CMIP: variants seen among roughly 807,000 people sequenced by gnomAD.
CMIP encodes the protein C-Maf-inducing protein.
Under a neutral mutation model 97.3 loss-of-function variants are expected in CMIP, and 13 were observed. The observed-to-expected ratio is 0.13, with a 90% CI of 0.09 to 0.21. CMIP has a LOEUF of 0.21. CMIP is among the 10% of genes least tolerant of loss of function. The pLI is 1.00. For missense variants in CMIP, 847 were observed against 1,024.9 expected, an observed-to-expected ratio of 0.83 and a Z score of 2.37; for synonymous variants, 538 against 436.3, an observed-to-expected ratio of 1.23 and a Z score of -2.91.
At chr16:81,665,176 A>G (rs1268594071) in intron 7 of CMIP, 1 of 152,082 alleles carries the variant, frequency 6.6e-6, no homozygotes, top group African/African-American at 2.4e-5. Context: ...GCAGGATTTA[A>G]TTGCACACTT....
At chr16:81,635,756 G>C (rs1340547821) in intron 3 of CMIP, among the ~76,000 whole-genome samples, 3 of 152,164 alleles carry the variant, frequency 2.0e-5, no homozygotes, top group African/African-American at 7.2e-5. Flanking sequence ...GGAGTTTTCA[G>C]GGTGGCGGGG....
intron 1 of CMIP, among the ~76,000 whole-genome samples, chr16:81,565,702 G>C (rs2090968035): frequency 1.3e-5 from 2 of 152,106 alleles, no homozygotes; most frequent in Non-Finnish European, 2.9e-5. Flanking sequence ...GGCAGGGAGT[G>C]ACACAAAGAC....
At chr16:81,656,672 C>G (rs2092486029) in intron 4 of CMIP, among the ~76,000 whole-genome samples, 1 of 152,226 alleles carries the variant, frequency 6.6e-6, no homozygotes, top group Admixed American at 6.5e-5. Context: ...CAGTCTCGCT[C>G]TGTCGCCCAG....
chr16:81,680,207 G>C (rs977319714), intron 10 of CMIP, among the ~76,000 whole-genome samples: 2 of 152,208 alleles, frequency 1.3e-5, no homozygotes, highest in African/African-American at 4.8e-5. Flanking sequence ...GGGTGGGTGG[G>C]GTTTCCCTGA....
Position 81,616,578 on chromosome 16 carries a change from G to A in CMIP, c.427-4298G>A, listed in dbSNP as rs1597151518. 6.6e-6 allele frequency among the ~76,000 whole-genome samples: 1 copy of A among 152,374 alleles called. No homozygotes were observed. The highest frequency in any genetic ancestry group is 1.5e-5 in the Non-Finnish European group (1 of 68,042). On this transcript the variant is annotated intron_variant, in intron 2 of 20. Transcript: ENST00000537098. This position sits in a 1 kb window ranked among gnomAD's most constrained non-coding sequence, Gnocchi z 4.7. The stretch of plus-strand genomic sequence containing the variant: ...TGTCATACCTGTTTAGCTGGGATCT[G>A]CAAACTAAACCTGCCTTCTTGAACC...
At chr16:81,668,521 G>T (rs866428726) in intron 7 of CMIP, among the ~76,000 whole-genome samples, 1 of 152,150 alleles carries the variant, frequency 6.6e-6, no homozygotes, top group Non-Finnish European at 1.5e-5. Context: ...GGCCGAGCAC[G>T]GCAGCCACCA....
chr16:81,460,682 G>C (rs1256876452), intron 1 of CMIP, among the ~76,000 whole-genome samples: 1 of 152,172 alleles, frequency 6.6e-6, no homozygotes, highest in African/African-American at 2.4e-5. Flanking sequence ...TGATGCACCA[G>C]GAGCTTGAGG....
chr16:81,621,244 G>T lies in CMIP; in HGVS notation c.477+318G>T, dbSNP rs2091988847. 1 of 222,246 alleles carries T rather than the reference G, an allele frequency of 4.5e-6. No individual in the cohort carries two copies. Among genetic ancestry groups the T allele is most frequent in the Non-Finnish European group, 9.0e-6 (1 of 111,066 alleles). 13.8% of individuals were successfully genotyped at this position (222,246 alleles called of 1,614,324 possible). A position where few individuals can be genotyped will look rare whatever the true frequency, so the allele number is the denominator to read the frequency against. ...TGAGGGGAGTCCAGCCGGGGAGGCT[G>T]GACTTCAGGGGCTCAAGATGCTTAG... On this transcript the variant is annotated intron_variant, in intron 3 of 20. Coordinates refer to ENST00000537098, the MANE Select transcript of CMIP (RefSeq NM_198390.3). This position sits in a 1 kb window ranked among gnomAD's most constrained non-coding sequence, Gnocchi z 4.1.
intron 1 of CMIP, among the ~76,000 whole-genome samples, chr16:81,463,515 CGTGCTGT>C (rs1240092980): frequency 6.6e-6 from 1 of 152,196 alleles, no homozygotes; most frequent in Non-Finnish European, 1.5e-5. Flanking sequence ...TTTTTATGAG[CGTGCTGT>C]GCGCATGGAG....
intron 1 of CMIP, chr16:81,463,981 T>C (rs947003176): frequency 2.6e-5 from 4 of 152,222 alleles, no homozygotes; most frequent in Non-Finnish European, 5.9e-5. Flanking sequence ...TCAGCCTCCT[T>C]GCCAAGCTTG....
intron 1 of CMIP, among the ~76,000 whole-genome samples, chr16:81,483,599 T>C (rs2926001): frequency 0.59 from 85,605 of 145,200 alleles, 25,178 homozygotes; most frequent in East Asian, 0.77. Flanking sequence ...CTCTTCCTCT[T>C]CCTCTCCCTC....
Position 81,710,786 on chromosome 16 carries a change from C to T in CMIP, c.*987C>T, listed in dbSNP as rs1158960260. Reference sequence around the variant, plus strand: ...GCACCTTTTAGACTTGAATGGGAGGCTGCTAACCCGCCCTCTCCAGTCCAC... The same window carrying T: ...GCACCTTTTAGACTTGAATGGGAGGTTGCTAACCCGCCCTCTCCAGTCCAC... On this transcript the variant is annotated 3_prime_UTR_variant, in exon 21 of 21. Coordinates refer to ENST00000537098, the MANE Select transcript of CMIP (RefSeq NM_198390.3). 2.6e-5 allele frequency: 4 copies of T among 152,298 alleles called. No homozygotes were observed. In the East Asian group the frequency reaches 7.7e-4, roughly 29 times the overall value. The allele number at this position is 152,298 out of a possible 1,614,324, so 9.4% of individuals were successfully genotyped here. A position where few individuals can be genotyped will look rare whatever the true frequency, so the allele number is the denominator to read the frequency against.
rs138702162 is a variant in CMIP at position 81,539,322 on chromosome 16, G to C, written c.301-68245G>C. On this transcript the variant is annotated intron_variant, in intron 1 of 20. Coordinates refer to ENST00000537098, the MANE Select transcript of CMIP (RefSeq NM_198390.3). ...AGAAGGTTCTAACCAGGCGTCCTTG[G>C]GGGTGGAGGATGATGGGCCAGGGCA... Among the ~76,000 whole-genome samples, 518 of 152,314 alleles carry C rather than the reference G, an allele frequency of 3.4e-3. 6 individuals are homozygous for C. The highest frequency in any genetic ancestry group is 0.012 in the African/African-American group (498 of 41,558).
At chr16:81,675,259 G>A (rs548732677) in intron 9 of CMIP, among the ~76,000 whole-genome samples, 7 of 152,046 alleles carry the variant, frequency 4.6e-5, no homozygotes, top group Admixed American at 1.3e-4. Context: ...GCTGGAGTGC[G>A]GTGGCGCAAT....
intron 18 of CMIP, among the ~76,000 whole-genome samples, chr16:81,704,695 C>A (rs1218233204): frequency 2.0e-5 from 2 of 99,680 alleles, no homozygotes; most frequent in Non-Finnish European, 4.1e-5. Context: ...TCCTCCCTGC[C>A]CCCGTCACCC....
intron 1 of CMIP, among the ~76,000 whole-genome samples, chr16:81,563,657 C>T (rs558346667): frequency 1.1e-4 from 16 of 152,182 alleles, no homozygotes; most frequent in African/African-American, 3.4e-4. Context: ...GCATGGCAAT[C>T]GGTACGCTTC....
chr16:81,642,809 T>C (rs915403716), intron 3 of CMIP, among the ~76,000 whole-genome samples: 1 of 152,008 alleles, frequency 6.6e-6, no homozygotes, highest in Non-Finnish European at 1.5e-5. Flanking sequence ...GGCAGGAGAA[T>C]CGCTTGAACC....
intron 6 of CMIP, among the ~76,000 whole-genome samples, chr16:81,661,591 C>G (rs2092547335): frequency 6.6e-6 from 1 of 152,238 alleles, no homozygotes; most frequent in Non-Finnish European, 1.5e-5. Context: ...CTCATCCCTC[C>G]CCGCTCCCAT....
At chr16:81,559,586 G>T (rs2090836015) in intron 1 of CMIP, among the ~76,000 whole-genome samples, 1 of 152,194 alleles carries the variant, frequency 6.6e-6, no homozygotes, top group Non-Finnish European at 1.5e-5. Flanking sequence ...ACCTACTCAT[G>T]CCATAGCTGT....
Sources: allele counts gnomAD v4.1 joint callset (sites outside exome capture counted in the v4.1 genomes callset), GRCh38; gene constraint gnomAD v4.1.1; non-coding constraint Gnocchi (gnomAD v3.1); transcripts MANE v1.5; gene names NCBI Gene and HGNC (gene_info 2026-07-23, HGNC 2026-07-21).